MARCHF11: variants seen among roughly 807,000 people sequenced by gnomAD.
MARCHF11 encodes the protein membrane associated ring-CH-type finger 11, also known as E3 ubiquitin-protein ligase MARCHF11.
MARCHF11 carries 29 observed loss-of-function variants against 37.3 expected under a neutral mutation model. The ratio of observed to expected loss-of-function variants is 0.78; its 90% CI spans 0.58 to 1.06. The LOEUF (loss-of-function observed/expected upper bound fraction) is 1.06. MARCHF11 is among the 50% of genes least tolerant of loss of function. The pLI is 0.00. For missense variants in MARCHF11, 482 were observed against 533.4 expected (o/e 0.90, Z 0.95); for synonymous variants, 233 against 228.0 (o/e 1.02, Z -0.20).
intron 3 of MARCHF11, among the ~76,000 whole-genome samples, chr5:16,075,823 T>TG (rs1736506962): frequency 6.6e-6 from 1 of 152,088 alleles, no homozygotes; most frequent in African/African-American, 2.4e-5. Flanking sequence ...TTTTGGTCTT[T>TG]GGGGGTAACG....
At position 16,179,579 on chromosome 5, in the gene MARCHF11, T is replaced by G; in HGVS notation, c.-4A>C. On this transcript the variant is annotated 5_prime_UTR_variant, in exon 1 of 4. Transcript: ENST00000332432. ...CGTGGCCGCCCTCAAAGCTCATGGTTGTGCCGCCGCCGCCCTCCTGCCGGC... is the reference window on the plus strand; with the variant it reads ...CGTGGCCGCCCTCAAAGCTCATGGTGGTGCCGCCGCCGCCCTCCTGCCGGC... 2.6e-6 allele frequency: 3 copies of G among 1,160,688 alleles called. No individual in the cohort carries two copies. Among genetic ancestry groups the G allele is most frequent in the East Asian group, 3.9e-5 (1 of 25,556 alleles). The allele number at this position is 1,160,688 out of a possible 1,614,324, so 71.9% of individuals were successfully genotyped here.
chr5:16,092,653 T>C (rs1251437378), intron 2 of MARCHF11, among the ~76,000 whole-genome samples: 1 of 152,142 alleles, frequency 6.6e-6, no homozygotes, highest in Non-Finnish European at 1.5e-5. Context: ...AAAACCTGGA[T>C]AACGGGTTGA....
chr5:16,159,745 A>C (rs1264793511), intron 2 of MARCHF11, among the ~76,000 whole-genome samples: 1 of 151,768 alleles, frequency 6.6e-6, no homozygotes, highest in Non-Finnish European at 1.5e-5. Context: ...TTCTCCATAC[A>C]TCCTCCCATC....
intron 2 of MARCHF11, among the ~76,000 whole-genome samples, chr5:16,129,484 C>A (rs576580027): frequency 2.0e-5 from 3 of 152,178 alleles, no homozygotes; most frequent in African/African-American, 7.2e-5. Flanking sequence ...GGAACAAATT[C>A]TTTATTGTTA....
At chr5:16,106,042 A>G (rs1737034231) in intron 2 of MARCHF11, among the ~76,000 whole-genome samples, 1 of 152,202 alleles carries the variant, frequency 6.6e-6, no homozygotes, top group Non-Finnish European at 1.5e-5. Context: ...TGTGTAGAAG[A>G]GACCATGAGT....
chr5:16,103,349 C>T (rs534811623), intron 2 of MARCHF11, among the ~76,000 whole-genome samples: 17 of 152,126 alleles, frequency 1.1e-4, no homozygotes, highest in South Asian at 4.1e-4. Context: ...GTGCACAGGA[C>T]GGTGTGTTTG....
At chr5:16,174,124 A>G (rs1329207598) in intron 2 of MARCHF11, among the ~76,000 whole-genome samples, 1 of 152,268 alleles carries the variant, frequency 6.6e-6, no homozygotes, top group Non-Finnish European at 1.5e-5. Context: ...ATATGGCTTA[A>G]TTAATGTATA....
chr5:16,157,112 A>G (rs1409270901), intron 2 of MARCHF11, among the ~76,000 whole-genome samples: 2 of 151,480 alleles, frequency 1.3e-5, no homozygotes, highest in Non-Finnish European at 2.9e-5. Flanking sequence ...TCCTATTTAC[A>G]ATAGCTACAA....
intron 2 of MARCHF11, among the ~76,000 whole-genome samples, chr5:16,135,433 A>C (rs1585694): frequency 0.51 from 77,792 of 152,008 alleles, 20,666 homozygotes; most frequent in African/African-American, 0.66. Flanking sequence ...AATCAAAAAA[A>C]CAAAATTGAA....
intron 2 of MARCHF11, among the ~76,000 whole-genome samples, chr5:16,118,331 C>A (rs1433801124): frequency 5.9e-5 from 9 of 152,164 alleles, no homozygotes; most frequent in African/African-American, 2.2e-4. Context: ...TCCTTCACTG[C>A]TGGATGCAGA....
At chr5:16,088,270 C>T (rs887729730) in intron 3 of MARCHF11, among the ~76,000 whole-genome samples, 3 of 152,190 alleles carry the variant, frequency 2.0e-5, no homozygotes, top group Admixed American at 1.3e-4. Flanking sequence ...CTGTGCACAT[C>T]CCACTGTATT....
intron 2 of MARCHF11, among the ~76,000 whole-genome samples, chr5:16,151,234 T>A (rs1737881749): frequency 1.3e-5 from 2 of 152,056 alleles, no homozygotes; most frequent in African/African-American, 4.8e-5. Context: ...CCATTGTATT[T>A]GGCTGCCATA....
intron 2 of MARCHF11, among the ~76,000 whole-genome samples, chr5:16,175,353 C>T (rs1358928632): frequency 6.6e-6 from 1 of 152,164 alleles, no homozygotes. Context: ...AAACTATTTC[C>T]TGCTTGCTAC....
At chr5:16,131,540 C>T (rs1489554321) in intron 2 of MARCHF11, among the ~76,000 whole-genome samples, 2 of 152,118 alleles carry the variant, frequency 1.3e-5, no homozygotes, top group Non-Finnish European at 2.9e-5. Flanking sequence ...ATGAGAAGAA[C>T]TGGTCGGGGG....
At chr5:16,138,047 C>T (rs558460150) in intron 2 of MARCHF11, among the ~76,000 whole-genome samples, 18 of 152,276 alleles carry the variant, frequency 1.2e-4, no homozygotes, top group African/African-American at 4.3e-4. Context: ...AAGAAACACC[C>T]ATTTCTGAGG....
chr5:16,170,384 A>AT (rs1738244607), intron 2 of MARCHF11, among the ~76,000 whole-genome samples: 1 of 152,126 alleles, frequency 6.6e-6, no homozygotes, highest in South Asian at 2.1e-4. Flanking sequence ...TATAAAAAAA[A>AT]ATTCTGGGTT....
At chr5:16,131,844 T>C (rs1737520722) in intron 2 of MARCHF11, among the ~76,000 whole-genome samples, 1 of 152,248 alleles carries the variant, frequency 6.6e-6, no homozygotes, top group South Asian at 2.1e-4. Context: ...TTCTAACTTT[T>C]GCTGGTGTCT....
At chr5:16,109,123 C>CAT (rs1207141626) in intron 2 of MARCHF11, among the ~76,000 whole-genome samples, 2 of 151,852 alleles carry the variant, frequency 1.3e-5, no homozygotes, top group Non-Finnish European at 2.9e-5. Flanking sequence ...CACACACACA[C>CAT]ACACACACAC....
chr5:16,103,616 G>A (rs1736993968), intron 2 of MARCHF11, among the ~76,000 whole-genome samples: 2 of 152,126 alleles, frequency 1.3e-5, no homozygotes, highest in Non-Finnish European at 1.5e-5. Flanking sequence ...TTGCCATGTG[G>A]CTCTTGCCAT....
Sources: allele counts gnomAD v4.1 joint callset (sites outside exome capture counted in the v4.1 genomes callset), GRCh38; gene constraint gnomAD v4.1.1; transcripts MANE v1.5; gene names NCBI Gene and HGNC (gene_info 2026-07-23, HGNC 2026-07-21).